The following CYFIP2 variants were observed in gnomAD, a reference collection of about 807,000 sequenced individuals.
The protein encoded by CYFIP2 is cytoplasmic FMR1-interacting protein 2.
A neutral mutation model predicts 158.7 loss-of-function variants in CYFIP2; 29 were observed. The observed-to-expected ratio is 0.18, with a 90% CI of 0.14 to 0.25. The LOEUF is 0.25. Among genes scored for constraint, CYFIP2 ranks in the 10% least tolerant of loss-of-function variants. The pLI, the probability that CYFIP2 is intolerant of heterozygous loss-of-function variation, is 1.00. For missense variants in CYFIP2, 852 were observed against 1,639.5 expected, an observed-to-expected ratio of 0.52 and a Z score of 8.29; for synonymous variants, 585 against 617.6, an observed-to-expected ratio of 0.95 and a Z score of 0.78.
chr5:157,322,987 A>G (rs1252924350), intron 15 of CYFIP2: 42 of 1,535,824 alleles, frequency 2.7e-5, no homozygotes, highest in Non-Finnish European at 3.4e-5. Flanking sequence ...CACTGGTGGC[A>G]CACAGGGCCG....
At chr5:157,343,709 A>G (rs1762473219) in intron 23 of CYFIP2, among the ~76,000 whole-genome samples, 1 of 152,210 alleles carries the variant, frequency 6.6e-6, no homozygotes, top group Non-Finnish European at 1.5e-5. Flanking sequence ...GCATAGCGAA[A>G]AAGTGGCAGG....
intron 7 of CYFIP2, among the ~76,000 whole-genome samples, chr5:157,303,929 G>A (rs139042661): frequency 0.01 from 1,593 of 151,930 alleles, 23 homozygotes; most frequent in African/African-American, 0.036. Flanking sequence ...ATGACAAGAA[G>A]CCTATTGCTG....
intron 23 of CYFIP2, among the ~76,000 whole-genome samples, chr5:157,348,303 G>A (rs1762832399): frequency 6.6e-6 from 1 of 152,236 alleles, no homozygotes; most frequent in African/African-American, 2.4e-5. Context: ...CTGGAGTGCA[G>A]TGGCACAGTC....
chr5:157,364,000 C>CTGTT (rs1308812503), intron 26 of CYFIP2: 1 of 152,126 alleles, frequency 6.6e-6, no homozygotes, highest in Non-Finnish European at 1.5e-5. Flanking sequence ...GAAATGGGGA[C>CTGTT]TGTTTGCGCT....
chr5:157,293,056 ATG>A (rs1491279758), intron 3 of CYFIP2, among the ~76,000 whole-genome samples: 18 of 148,270 alleles, frequency 1.2e-4, no homozygotes, highest in Admixed American at 4.7e-4. Context: ...GTATGTATGT[ATG>A]TATGTATGTG....
chr5:157,359,405 T>G (rs1195694724), intron 24 of CYFIP2, among the ~76,000 whole-genome samples: 1 of 152,218 alleles, frequency 6.6e-6, no homozygotes, highest in African/African-American at 2.4e-5. Flanking sequence ...ATTTGATGAC[T>G]GAACTCAGAA....
chr5:157,384,278 A>G (rs1323009816), intron 28 of CYFIP2: 1 of 456,816 alleles, frequency 2.2e-6, no homozygotes, highest in Non-Finnish European at 4.4e-6. Flanking sequence ...CGGAGAAACA[A>G]AAGGCATGTG....
intron 6 of CYFIP2, among the ~76,000 whole-genome samples, chr5:157,302,197 G>GAACT (rs1758807741): frequency 1.3e-5 from 2 of 152,160 alleles, no homozygotes; most frequent in African/African-American, 4.8e-5. Flanking sequence ...TGATGACACA[G>GAACT]GTGGCACCAT....
At chr5:157,325,131 C>T (rs753484675) in intron 16 of CYFIP2, among the ~76,000 whole-genome samples, 2 of 152,052 alleles carry the variant, frequency 1.3e-5, no homozygotes, top group Admixed American at 6.5e-5. Context: ...TGAGCCTCTG[C>T]GCCCGGCCAC....
chr5:157,277,374 C>T (rs1471393993), intron 1 of CYFIP2, among the ~76,000 whole-genome samples: 4 of 152,104 alleles, frequency 2.6e-5, no homozygotes, highest in East Asian at 1.9e-4. Flanking sequence ...GTGTAGCCAC[C>T]GAGTCTGGCC....
chr5:157,382,799 C>A, intron 27 of CYFIP2, 137 bp downstream of exon 27: 1 of 897,258 alleles, frequency 1.1e-6, no homozygotes, highest in Non-Finnish European at 1.7e-6. Context: ...GCCACAGAAT[C>A]ACAAATTGGA....
chr5:157,386,492 C>G (rs1404499023), intron 28 of CYFIP2, among the ~76,000 whole-genome samples: 1 of 152,194 alleles, frequency 6.6e-6, no homozygotes, highest in African/African-American at 2.4e-5. Context: ...TAGATGCACA[C>G]GGATCAACTT....
In CYFIP2 at chr5:157,373,820, G is replaced by A. The variant is rs186399846; in HGVS notation, c.3040-8770G>A. 3.1e-4 allele frequency among the ~76,000 whole-genome samples: 47 copies of A among 152,276 alleles called. 1 individual carries two copies. The highest frequency in any genetic ancestry group is 3.8e-4 in the Non-Finnish European group (26 of 68,028). On this transcript the variant is annotated intron_variant, in intron 26 of 30. Coordinates refer to ENST00000620254, the MANE Select transcript of CYFIP2 (RefSeq NM_001037333.3). ...AAGGCTATAGCAGTGATGACTCCTG[G>A]GTGGTGGAGTTATACATTTTTTCCT...
chr5:157,374,003 G>T (rs765807136), intron 26 of CYFIP2, among the ~76,000 whole-genome samples: 2 of 152,156 alleles, frequency 1.3e-5, no homozygotes, highest in Non-Finnish European at 2.9e-5. Flanking sequence ...TAAGTATTTG[G>T]TGCATTCCCA....
intron 1 of CYFIP2, among the ~76,000 whole-genome samples, chr5:157,271,799 G>A (rs983082157): frequency 2.0e-5 from 3 of 152,276 alleles, no homozygotes; most frequent in Middle Eastern, 6.8e-3. Context: ...TGAGTTCCAC[G>A]TGCTCCGATC....
At chr5:157,302,985 C>G (rs749370881) in intron 7 of CYFIP2, 95 bp downstream of exon 7, 2 of 919,080 alleles carry the variant, frequency 2.2e-6, no homozygotes, top group Non-Finnish European at 3.3e-6. Flanking sequence ...AGCAGACAAG[C>G]TCAGTCTGCA....
intron 23 of CYFIP2, chr5:157,342,195 T>C (rs1270786118): frequency 6.6e-6 from 1 of 152,648 alleles, no homozygotes; most frequent in Non-Finnish European, 1.5e-5. Context: ...GTCTCTTCCC[T>C]TCTGTTTGCA....
At chr5:157,354,959 A>G (rs1449326040) in intron 23 of CYFIP2, among the ~76,000 whole-genome samples, 1 of 152,094 alleles carries the variant, frequency 6.6e-6, no homozygotes, top group African/African-American at 2.4e-5. Context: ...CACCACTCAG[A>G]AGGATGAGCG....
intron 13 of CYFIP2, among the ~76,000 whole-genome samples, chr5:157,319,279 C>A (rs578115318): frequency 6.6e-6 from 1 of 152,280 alleles, no homozygotes; most frequent in Admixed American, 6.5e-5. Context: ...TAAACTCAAG[C>A]AGCAACTGGC....
Sources: gnomAD v4.1 joint callset for allele counts (sites outside exome capture counted in the v4.1 genomes callset) on GRCh38, gnomAD v4.1.1 for gene constraint, MANE v1.5 for transcripts, NCBI Gene and HGNC (gene_info 2026-07-23, HGNC 2026-07-21) for gene names.